The following STXBP4 variants were observed in gnomAD, a reference collection of about 807,000 sequenced individuals.
The protein encoded by STXBP4 is syntaxin-binding protein 4.
A neutral mutation model predicts 76.1 loss-of-function variants in STXBP4; 55 were observed. The observed-to-expected ratio is 0.72, with a 90% CI of 0.58 to 0.91. The LOEUF (loss-of-function observed/expected upper bound fraction) is 0.91, where lower values mean the gene tolerates loss of function less well. Ranked by LOEUF, STXBP4 falls within the 40% of genes least tolerant of loss-of-function variation. The pLI is 0.00. For synonymous variants in STXBP4, 201 were observed against 220.2 expected (o/e 0.91, Z 0.77); for missense variants, 618 against 636.9 (o/e 0.97, Z 0.32).
chr17:55,174,898 T>A (rs1003438114), downstream of STXBP4, among the ~76,000 whole-genome samples: 1 of 152,106 alleles, frequency 6.6e-6, no homozygotes, highest in Non-Finnish European at 1.5e-5. Flanking sequence ...CACAGGATTT[T>A]AAAGGGAAAC....
intron 8 of STXBP4, among the ~76,000 whole-genome samples, chr17:55,011,077 T>C (rs2078101025): frequency 6.6e-6 from 1 of 152,194 alleles, no homozygotes; most frequent in Admixed American, 6.5e-5. Flanking sequence ...GGTATTCTTC[T>C]AGTGTGAATT....
the STXBP4 span, among the ~76,000 whole-genome samples, chr17:55,190,549 C>A: frequency 6.6e-6 from 1 of 152,268 alleles, no homozygotes. Context: ...AGTCTGTGAT[C>A]TCCCAAGGCC....
chr17:55,002,372 T>A (rs1319831647), intron 7 of STXBP4, among the ~76,000 whole-genome samples: 2 of 152,224 alleles, frequency 1.3e-5, no homozygotes, highest in African/African-American at 4.8e-5. Context: ...ACGGGAATTA[T>A]GAAGAAATTA....
intron 8 of STXBP4, among the ~76,000 whole-genome samples, chr17:55,021,233 A>T (rs1050479292): frequency 6.6e-6 from 1 of 152,012 alleles, no homozygotes; most frequent in Admixed American, 6.5e-5. Context: ...GAATTAGCAG[A>T]TTCTTGGGGT....
the STXBP4 span, among the ~76,000 whole-genome samples, chr17:55,205,015 C>T: frequency 6.6e-6 from 1 of 152,008 alleles, no homozygotes; most frequent in Admixed American, 6.6e-5. Flanking sequence ...TAGTTCTTAG[C>T]AGGTAAGTTT....
chr17:54,974,628 A>G (rs1354771228), intron 1 of STXBP4, among the ~76,000 whole-genome samples: 3 of 152,230 alleles, frequency 2.0e-5, no homozygotes. Flanking sequence ...CCCCTCACTT[A>G]TGATGTAGGA....
chr17:55,033,991 G>A (rs528169555), intron 9 of STXBP4, among the ~76,000 whole-genome samples, 177 bp from the exon 10 acceptor site: 1 of 152,258 alleles, frequency 6.6e-6, no homozygotes, highest in South Asian at 2.1e-4. Context: ...ACTGAAGTAA[G>A]TTCAGACCAA....
At chr17:55,157,171 T>C (rs1447846326) in intron 17 of STXBP4, among the ~76,000 whole-genome samples, 1 of 152,222 alleles carries the variant, frequency 6.6e-6, no homozygotes, top group African/African-American at 2.4e-5. Flanking sequence ...TGATTTAAAT[T>C]ATGGTTTCTT....
intron 17 of STXBP4, among the ~76,000 whole-genome samples, chr17:55,146,891 G>A (rs2080163001): frequency 6.6e-6 from 1 of 152,158 alleles, no homozygotes; most frequent in Non-Finnish European, 1.5e-5. Context: ...AAAGGACAGA[G>A]AGGGAGAAAG....
chr17:55,168,471 T>G lies in STXBP4; in HGVS notation c.*8560T>G, dbSNP rs1055783120. 6.6e-6 allele frequency: 1 copy of G among 152,158 alleles called. No homozygotes were observed. Among genetic ancestry groups the G allele is most frequent in the African/African-American group, 2.4e-5 (1 of 41,448 alleles). The allele number at this position is 152,158 out of a possible 1,614,324, so 9.4% of individuals were successfully genotyped here. A position where few individuals can be genotyped will look rare whatever the true frequency, so the allele number is the denominator to read the frequency against. On this transcript the variant is annotated 3_prime_UTR_variant, in exon 18 of 18. Coordinates refer to ENST00000376352, the MANE Select transcript of STXBP4 (RefSeq NM_178509.6). ...ATAAGTACCATATTCCCAATTAGTA[T>G]TTCATCAGTTATAAGACCCATCATT...
intron 10 of STXBP4, among the ~76,000 whole-genome samples, chr17:55,036,137 G>A (rs548017583): frequency 6.6e-6 from 1 of 151,804 alleles, no homozygotes; most frequent in South Asian, 2.1e-4. Flanking sequence ...GAAATGTTAT[G>A]TCCTTTGACA....
intron 1 of STXBP4, among the ~76,000 whole-genome samples, chr17:54,978,352 A>ATGTAATATGTACTG (rs2077500620): frequency 6.6e-6 from 1 of 152,200 alleles, no homozygotes; most frequent in Non-Finnish European, 1.5e-5. Context: ...TATATGTACT[A>ATGTAATATGTACTG]TGTAATATGT....
chr17:55,197,708 A>G, the STXBP4 span, among the ~76,000 whole-genome samples: 1 of 151,658 alleles, frequency 6.6e-6, no homozygotes, highest in Non-Finnish European at 1.5e-5. Flanking sequence ...GCACCACTGC[A>G]CTCTAGCCTG....
intron 8 of STXBP4, 70 bp from the exon 9 acceptor site, chr17:55,031,098 A>C: frequency 8.4e-7 from 1 of 1,187,652 alleles, no homozygotes; most frequent in East Asian, 2.4e-5. Context: ...TGGGTTGTAA[A>C]GTTTGTAATG....
At chr17:54,988,242 T>C (rs2077655557) in intron 3 of STXBP4, among the ~76,000 whole-genome samples, 1 of 152,190 alleles carries the variant, frequency 6.6e-6, no homozygotes, top group Non-Finnish European at 1.5e-5. Context: ...GAAAACGTAT[T>C]AGCAGCAATA....
the STXBP4 span, among the ~76,000 whole-genome samples, chr17:55,188,164 C>A: frequency 6.6e-6 from 1 of 152,074 alleles, no homozygotes; most frequent in African/African-American, 2.4e-5. Flanking sequence ...TGTAAGCATT[C>A]GGTAAATAAT....
chr17:55,084,734 A>G (rs1403563364), intron 16 of STXBP4, among the ~76,000 whole-genome samples: 1 of 152,166 alleles, frequency 6.6e-6, no homozygotes, highest in Non-Finnish European at 1.5e-5. Context: ...TTTATTAAAT[A>G]GAGAATCCTT....
chr17:55,147,687 T>C (rs1018137166), intron 17 of STXBP4, among the ~76,000 whole-genome samples: 2 of 152,204 alleles, frequency 1.3e-5, no homozygotes, highest in African/African-American at 4.8e-5. Flanking sequence ...ACATTACAAA[T>C]GCGTATCAGT....
intron 16 of STXBP4, among the ~76,000 whole-genome samples, chr17:55,093,841 T>C (rs756532288): frequency 2.6e-4 from 39 of 152,148 alleles, no homozygotes; most frequent in Admixed American, 1.9e-3. Flanking sequence ...GGCCAGACCC[T>C]AGGATAACAA....
Sources: allele counts gnomAD v4.1 joint callset (sites outside exome capture counted in the v4.1 genomes callset), GRCh38; gene constraint gnomAD v4.1.1; transcripts MANE v1.5; gene names NCBI Gene and HGNC (gene_info 2026-07-23, HGNC 2026-07-21).